The following LACTB2 variants were observed in gnomAD, a reference collection of about 807,000 sequenced individuals.
LACTB2 encodes the protein endoribonuclease LACTB2.
LACTB2 carries 32 observed loss-of-function variants against 34.8 expected under a neutral mutation model. The ratio of observed to expected loss-of-function variants is 0.92; its 90% CI spans 0.69 to 1.24. LACTB2 has a LOEUF of 1.24. Ranked by LOEUF, LACTB2 falls within the 50% of genes most tolerant of loss-of-function variation. LACTB2 has a pLI of 0.00. For missense variants in LACTB2, 320 were observed against 345.0 expected (o/e 0.93, Z 0.57); for synonymous variants, 120 against 117.5 (o/e 1.02, Z -0.14).
At chr8:70,658,971 G>T (rs1818448223) in intron 2 of LACTB2, among the ~76,000 whole-genome samples, 1 of 151,480 alleles carries the variant, frequency 6.6e-6, no homozygotes, top group Admixed American at 6.6e-5. Context: ...AGGTTGCAGT[G>T]AGCCAAGATC....
At chr8:70,648,176 G>A (rs372207443) in intron 3 of LACTB2, among the ~76,000 whole-genome samples, 1 of 152,102 alleles carries the variant, frequency 6.6e-6, no homozygotes, top group African/African-American at 2.4e-5. Context: ...TAAAGCCTAC[G>A]GAAGACTCCC....
At chr8:70,638,669 T>TAA (rs376185421) in intron 5 of LACTB2, 40 bp from the exon 6 acceptor site, 9 of 1,339,756 alleles carry the variant, frequency 6.7e-6, no homozygotes, top group Middle Eastern at 2.7e-4. Flanking sequence ...CCTTTTTTTT[T>TAA]AAAAAAAAGA....
chr8:70,667,052 G>A (rs1818539060), intron 1 of LACTB2, among the ~76,000 whole-genome samples: 1 of 152,152 alleles, frequency 6.6e-6, no homozygotes, highest in South Asian at 2.1e-4. Context: ...CCTAGGTAGA[G>A]AATACAGTAG....
chr8:70,656,393 T>C (rs1818412154), intron 3 of LACTB2, among the ~76,000 whole-genome samples: 1 of 152,314 alleles, frequency 6.6e-6, no homozygotes, highest in East Asian at 1.9e-4. Flanking sequence ...TTTCATTCTC[T>C]GTATGTGGCT....
intron 3 of LACTB2, among the ~76,000 whole-genome samples, chr8:70,648,050 G>A (rs1818285393): frequency 6.6e-6 from 1 of 152,186 alleles, no homozygotes; most frequent in Non-Finnish European, 1.5e-5. Context: ...GCTACATGAA[G>A]ATTAGAAGAG....
intron 3 of LACTB2, among the ~76,000 whole-genome samples, chr8:70,656,179 T>C (rs1367072711): frequency 6.6e-6 from 1 of 152,212 alleles, no homozygotes; most frequent in Middle Eastern, 3.2e-3. Context: ...CAAAAGCTCT[T>C]TAGTTTAATT....
rs541980381 is a variant in LACTB2, at chr8:70,659,413, A to G, written c.287-1531T>C. ...AAGGGAGAAAGAGATATTTCAAAGA[A>G]AAATGGACAAGGCACAGAAATTTGC... On this transcript the variant is annotated intron_variant, in intron 2 of 6. Transcript: ENST00000276590. Among the ~76,000 whole-genome samples the G allele has an allele frequency of 2.0e-5, 3 of 152,318 alleles. No individual in the cohort carries two copies. The South Asian group carries it at 6.2e-4, about 32-fold the overall frequency.
At chr8:70,641,130 A>G in intron 4 of LACTB2, 80 bp from the exon 5 acceptor site, 1 of 1,241,804 alleles carries the variant, frequency 8.1e-7, no homozygotes, top group Non-Finnish European at 1.1e-6. Flanking sequence ...CACTCTATTT[A>G]AAAATAATTC....
intron 6 of LACTB2, among the ~76,000 whole-genome samples, chr8:70,638,297 G>A (rs573387492): frequency 6.6e-6 from 1 of 152,292 alleles, no homozygotes; most frequent in Non-Finnish European, 1.5e-5. Flanking sequence ...CCTGCTACAT[G>A]TCTTTGATTG....
intron 3 of LACTB2, among the ~76,000 whole-genome samples, chr8:70,652,231 T>C (rs2132075006): frequency 6.6e-6 from 1 of 152,350 alleles, no homozygotes; most frequent in South Asian, 2.1e-4. Flanking sequence ...CAACTTTCAC[T>C]GAACAAAACT....
intron 2 of LACTB2, chr8:70,661,329 C>A: frequency 3.6e-6 from 1 of 280,670 alleles, no homozygotes; most frequent in Non-Finnish European, 7.0e-6. Context: ...TGATATATTG[C>A]CTGAATTTCA....
rs752169430 is a variant in LACTB2, at chr8:70,641,047, T to C, written c.596A>G (p.His199Arg). The C allele has an allele frequency of 6.3e-6, 10 of 1,590,142 alleles. No homozygotes were observed. The highest frequency in any genetic ancestry group is 7.7e-6 in the Non-Finnish European group (9 of 1,172,036). ...KIKADIIYPG[H>R]GPVIHNAEAK... Reference sequence around the variant, plus strand: ...TTCAGCATTATGAATTACTGGGCCATGTCCTGAATTAAAATAATTATAAGA... The same window carrying C: ...TTCAGCATTATGAATTACTGGGCCACGTCCTGAATTAAAATAATTATAAGA... Residue 199 changes from histidine (H) to arginine (R), a missense_variant, in exon 5 of 7, where the codon CAT (histidine) becomes CGT (arginine). By Grantham distance (29) the His-to-Arg change is conservative. Coordinates refer to ENST00000276590, the MANE Select transcript of LACTB2 (RefSeq NM_016027.3).
At chr8:70,648,745 C>T (rs759992255) in intron 3 of LACTB2, among the ~76,000 whole-genome samples, 25 of 152,220 alleles carry the variant, frequency 1.6e-4, no homozygotes, top group Middle Eastern at 3.4e-3. Flanking sequence ...GACAAAGACT[C>T]GCTTTGACTA....
chr8:70,648,270 T>C (rs268628), intron 3 of LACTB2, among the ~76,000 whole-genome samples: 101,661 of 152,026 alleles, frequency 0.67, 35,343 homozygotes, highest in Non-Finnish European at 0.76. Flanking sequence ...ACAGGATTAC[T>C]AGGCATCTAA....
At chr8:70,668,922 C>G in intron 1 of LACTB2, 77 bp downstream of exon 1, 1 of 1,534,068 alleles carries the variant, frequency 6.5e-7, no homozygotes, top group Non-Finnish European at 8.8e-7. Flanking sequence ...CTCCACTGCC[C>G]GCGCAGCCGC....
rs1818312003 is a variant in LACTB2 at position 70,649,557 on chromosome 8, A to G, written c.414-5314T>C. ...AAATAGTGTCTACAGTCATAACAACATCACCGAATGCTGATCTAACCAGCA... is the reference window on the plus strand; with the variant it reads ...AAATAGTGTCTACAGTCATAACAACGTCACCGAATGCTGATCTAACCAGCA... On this transcript the variant is annotated intron_variant, in intron 3 of 6. Transcript: ENST00000276590. Among the ~76,000 whole-genome samples, 4 of 152,188 alleles carry G rather than the reference A, an allele frequency of 2.6e-5. No individual in the cohort carries two copies. The South Asian group carries it at 8.3e-4, about 32-fold the overall frequency.
At chr8:70,663,515 G>C (rs1039690737) in intron 1 of LACTB2, among the ~76,000 whole-genome samples, 1 of 152,190 alleles carries the variant, frequency 6.6e-6, no homozygotes, top group Non-Finnish European at 1.5e-5. Context: ...TGGACCAAGA[G>C]GGCATTTATT....
chr8:70,643,120 A>G (rs1443255249), intron 4 of LACTB2, among the ~76,000 whole-genome samples: 2 of 151,382 alleles, frequency 1.3e-5, no homozygotes, highest in Non-Finnish European at 2.9e-5. Context: ...AATAACCCTC[A>G]TATCTTTATC....
chr8:70,662,209 A>T (rs111996447), intron 1 of LACTB2: 133 of 193,858 alleles, frequency 6.9e-4, no homozygotes, highest in African/African-American at 2.8e-3. Flanking sequence ...ATTCCTCGTA[A>T]CAACTGTTTA....
Sources: allele counts gnomAD v4.1 joint callset (sites outside exome capture counted in the v4.1 genomes callset), GRCh38; gene constraint gnomAD v4.1.1; transcripts MANE v1.5; gene names NCBI Gene and HGNC (gene_info 2026-07-23, HGNC 2026-07-21).